CYFIP2: variants seen among roughly 807,000 people sequenced by gnomAD.
The protein encoded by CYFIP2 is cytoplasmic FMR1-interacting protein 2.
In CYFIP2, 29 loss-of-function variants were observed where a neutral mutation model predicts 158.7. That is an observed-to-expected ratio of 0.18 (90% CI 0.14 to 0.25). CYFIP2 has a LOEUF of 0.25. Among genes scored for constraint, CYFIP2 ranks in the 10% least tolerant of loss-of-function variants. The pLI is 1.00. For missense variants in CYFIP2, 852 were observed against 1,639.5 expected (o/e 0.52, Z 8.29); for synonymous variants, 585 against 617.6 (o/e 0.95, Z 0.78).
chr5:157,356,554 C>G (rs1042964278), intron 23 of CYFIP2, among the ~76,000 whole-genome samples: 4 of 152,084 alleles, frequency 2.6e-5, no homozygotes, highest in Non-Finnish European at 4.4e-5. Context: ...TAGAGCTTTT[C>G]CATCACCCTA....
chr5:157,278,533 A>T (rs1756739963), intron 1 of CYFIP2, among the ~76,000 whole-genome samples: 1 of 152,232 alleles, frequency 6.6e-6, no homozygotes, highest in Non-Finnish European at 1.5e-5. Flanking sequence ...GTGACCTTGA[A>T]TAAAAGTGTT....
intron 23 of CYFIP2, among the ~76,000 whole-genome samples, chr5:157,354,746 G>A (rs568505375): frequency 6.6e-6 from 1 of 152,272 alleles, no homozygotes; most frequent in Non-Finnish European, 1.5e-5. Context: ...CCTCCAAAGT[G>A]AACCGAGTGG....
intron 5 of CYFIP2, among the ~76,000 whole-genome samples, chr5:157,299,317 C>A (rs1758535796): frequency 6.6e-6 from 1 of 152,170 alleles, no homozygotes; most frequent in African/African-American, 2.4e-5. Context: ...ATCTCTCTGC[C>A]TCCTTCCTGT....
intron 5 of CYFIP2, among the ~76,000 whole-genome samples, chr5:157,299,229 C>T (rs1346915101): frequency 6.6e-6 from 1 of 152,052 alleles, no homozygotes; most frequent in Non-Finnish European, 1.5e-5. Context: ...GCCTCAGAAC[C>T]TCCCATGTCT....
chr5:157,363,511 C>T (rs879877680), intron 26 of CYFIP2: 2 of 152,546 alleles, frequency 1.3e-5, no homozygotes, highest in South Asian at 4.1e-4. Flanking sequence ...GTGGCTGTGT[C>T]AGAGAGAGAT....
intron 1 of CYFIP2, among the ~76,000 whole-genome samples, chr5:157,268,700 A>G (rs1171123242): frequency 6.6e-6 from 1 of 152,180 alleles, no homozygotes; most frequent in African/African-American, 2.4e-5. Flanking sequence ...CAATGAGTCT[A>G]TTTCTTTACT....
At chr5:157,386,616 G>A (rs1304249189) in intron 28 of CYFIP2, among the ~76,000 whole-genome samples, 2 of 152,096 alleles carry the variant, frequency 1.3e-5, no homozygotes, top group Non-Finnish European at 2.9e-5. Context: ...TAGCTCACAC[G>A]ATGTTATGTA....
chr5:157,275,031 C>G (rs1756433146), intron 1 of CYFIP2, among the ~76,000 whole-genome samples: 1 of 152,100 alleles, frequency 6.6e-6, no homozygotes, highest in African/African-American at 2.4e-5. Flanking sequence ...CATCAACCTC[C>G]CAAAGTACTA....
intron 1 of CYFIP2, among the ~76,000 whole-genome samples, chr5:157,271,844 C>T (rs989880654): frequency 7.2e-5 from 11 of 152,180 alleles, no homozygotes; most frequent in Admixed American, 6.5e-4. Flanking sequence ...TCTTTGTTTC[C>T]GTAGCAGATG....
intron 21 of CYFIP2, among the ~76,000 whole-genome samples, chr5:157,335,865 A>G (rs1277107122): frequency 6.6e-6 from 1 of 151,798 alleles, no homozygotes; most frequent in Non-Finnish European, 1.5e-5. Flanking sequence ...AGCATATCTT[A>G]TGGGAAAAAA....
At chr5:157,348,706 C>A (rs1039963254) in intron 23 of CYFIP2, among the ~76,000 whole-genome samples, 9 of 152,164 alleles carry the variant, frequency 5.9e-5, no homozygotes, top group Non-Finnish European at 1.0e-4. Flanking sequence ...GCCACTGCCC[C>A]CCGCCTCACC....
At chr5:157,317,625 CTTA>C (rs1388153227) in intron 13 of CYFIP2, among the ~76,000 whole-genome samples, 1 of 152,106 alleles carries the variant, frequency 6.6e-6, no homozygotes, top group Non-Finnish European at 1.5e-5. Flanking sequence ...CAATGGTTAC[CTTA>C]TTATTATTAT....
At chr5:157,320,567 G>A (rs1380285679) in intron 14 of CYFIP2, 88 bp from the exon 15 acceptor site, 4 of 1,542,782 alleles carry the variant, frequency 2.6e-6, no homozygotes, top group Middle Eastern at 1.7e-4. Flanking sequence ...GGGTGTTCCT[G>A]GGACACCACG....
chr5:157,362,084 C>T (rs1011319179), intron 26 of CYFIP2, among the ~76,000 whole-genome samples: 2 of 152,190 alleles, frequency 1.3e-5, no homozygotes, highest in Admixed American at 6.5e-5. Context: ...GGCAGGCTAT[C>T]GTCTTGAAGT....
At position 157,311,256 on chromosome 5, in the gene CYFIP2, A is replaced by G. The variant is rs904692815; in HGVS notation, c.993-408A>G. ...CCCAGCCCAAAGGCCCCCCAAAGCC[A>G]GCTTCAACCGCAGAGTGTCTGTGCT... On this transcript the variant is annotated intron_variant, in intron 10 of 30. Coordinates refer to ENST00000620254, the MANE Select transcript of CYFIP2 (RefSeq NM_001037333.3). The surrounding 1 kb of genome is among the most constrained non-coding windows in gnomAD (Gnocchi z 4.7). 5.3e-6 allele frequency: 2 copies of G among 374,844 alleles called. No homozygotes were observed. 23.2% of individuals were successfully genotyped at this position (374,844 alleles called of 1,614,324 possible). A position where few individuals can be genotyped will look rare whatever the true frequency, so the allele number is the denominator to read the frequency against.
intron 4 of CYFIP2, among the ~76,000 whole-genome samples, chr5:157,295,819 G>T (rs1316343209): frequency 6.6e-6 from 1 of 152,170 alleles, no homozygotes; most frequent in East Asian, 1.9e-4. Flanking sequence ...GCTTACCTTG[G>T]CTCGCTCTTC....
At chr5:157,338,753 A>G (rs1028439462) in intron 21 of CYFIP2, among the ~76,000 whole-genome samples, 4 of 152,170 alleles carry the variant, frequency 2.6e-5, no homozygotes, top group African/African-American at 9.7e-5. Context: ...CTTGTTCTCT[A>G]CCCAAAAGGG....
chr5:157,378,920 CTT>C (rs2113488680), intron 26 of CYFIP2, among the ~76,000 whole-genome samples: 1 of 152,300 alleles, frequency 6.6e-6, no homozygotes, highest in African/African-American at 2.4e-5. Context: ...CACATTATAA[CTT>C]AATTCCATTA....
intron 30 of CYFIP2, 87 bp from the exon 31 acceptor site, chr5:157,392,746 C>T: frequency 2.7e-6 from 4 of 1,454,634 alleles, no homozygotes; most frequent in Non-Finnish European, 3.8e-6. Context: ...TGCAGGGGAC[C>T]CTGGACCTCA....
Sources: allele counts gnomAD v4.1 joint callset (sites outside exome capture counted in the v4.1 genomes callset), GRCh38; gene constraint gnomAD v4.1.1; non-coding constraint Gnocchi (gnomAD v3.1); transcripts MANE v1.5; gene names NCBI Gene and HGNC (gene_info 2026-07-23, HGNC 2026-07-21).